LAMP3: variants seen among roughly 807,000 people sequenced by gnomAD.
LAMP3 encodes the protein lysosome associated membrane protein 3.
Under a neutral mutation model 34.8 loss-of-function variants are expected in LAMP3, and 26 were observed. The ratio of observed to expected loss-of-function variants is 0.75; its 90% confidence interval spans 0.55 to 1.04. LAMP3 has a LOEUF of 1.04. LAMP3 is among the 50% of genes least tolerant of loss of function. The probability of loss-of-function intolerance (pLI) is 0.00; values close to 1 mark genes in which losing one functional copy is unlikely to be tolerated. For synonymous variants in LAMP3, 180 were observed against 201.9 expected, an observed-to-expected ratio of 0.89 and a Z score of 0.92; for missense variants, 495 against 524.0, an observed-to-expected ratio of 0.94 and a Z score of 0.54.
chr3:183,124,236 AT>A, intron 5 of LAMP3, 22 bp from the exon 6 acceptor site: 1 of 1,531,930 alleles, frequency 6.5e-7, no homozygotes, highest in Non-Finnish European at 8.7e-7. Flanking sequence ...AACAAATACA[AT>A]ACAGTGGGTA....
In LAMP3 at chr3:183,154,229, C is replaced by A. The variant is rs1236954145; in HGVS notation, c.212G>T (p.Gly71Val). Residue 71 changes from glycine (G) to valine (V), a missense_variant, in exon 2 of 6, where the codon GGT (glycine) becomes GTT (valine). Gly to Val is a moderately radical substitution (Grantham distance 109, BLOSUM62 -3). Transcript: ENST00000265598. ...GGCCGCTGTTTGAAAGGTGATATGA[C>A]CATCCATGAATCTTGCTGCTAAAGT... ...HQTLAARFMD[G>V]HITFQTAATV... The A allele has an allele frequency of 3.7e-6, 6 of 1,614,026 alleles. No homozygotes were observed. In the South Asian group the frequency reaches 6.6e-5, roughly 18 times the overall value.
chr3:183,125,673 G>T (rs1313115314), intron 5 of LAMP3, among the ~76,000 whole-genome samples: 2 of 152,164 alleles, frequency 1.3e-5, no homozygotes, highest in African/African-American at 4.8e-5. Flanking sequence ...TTGGGGCAGG[G>T]AGGCAGAGGG....
chr3:183,134,581 G>A (rs1720026619), intron 5 of LAMP3, among the ~76,000 whole-genome samples: 1 of 152,148 alleles, frequency 6.6e-6, no homozygotes, highest in Non-Finnish European at 1.5e-5. Flanking sequence ...ATTTTTGAGA[G>A]TGGATGACAA....
chr3:183,134,201 G>A (rs968721409), intron 5 of LAMP3, among the ~76,000 whole-genome samples: 6 of 152,132 alleles, frequency 3.9e-5, no homozygotes, highest in African/African-American at 7.2e-5. Context: ...GGAACATTTT[G>A]GAAGTGGAAT....
intron 5 of LAMP3, 54 bp from the exon 6 acceptor site, chr3:183,124,268 G>C: frequency 6.9e-7 from 1 of 1,453,650 alleles, no homozygotes; most frequent in Non-Finnish European, 9.1e-7. Flanking sequence ...ATGCAGTCCA[G>C]AAAGCAGGCT....
At chr3:183,157,363 T>C (rs1720851168) in intron 1 of LAMP3, among the ~76,000 whole-genome samples, 1 of 152,204 alleles carries the variant, frequency 6.6e-6, no homozygotes, top group African/African-American at 2.4e-5. Context: ...TTTATGCCCA[T>C]GTCATGGAGC....
At chr3:183,131,977 G>A in intron 5 of LAMP3, 1 of 985,346 alleles carries the variant, frequency 1.0e-6, no homozygotes, top group Non-Finnish European at 1.2e-6. Flanking sequence ...TGATCCTCCA[G>A]GCAGGTCTAC....
intron 1 of LAMP3, 37 bp downstream of exon 1, chr3:183,162,570 G>T: frequency 8.4e-6 from 13 of 1,544,746 alleles, no homozygotes; most frequent in Non-Finnish European, 1.1e-5. Context: ...GGACCGACAC[G>T]TCAGGGCCAC....
rs376568068 is a variant in LAMP3, at chr3:183,153,982, G to A, written c.459C>T (p.Ser153=). The A allele has an allele frequency of 2.4e-5, 39 of 1,614,046 alleles. No homozygotes were observed. The highest frequency in any genetic ancestry group is 3.1e-5 in the Non-Finnish European group (36 of 1,180,040). ...HTTGTSSSTV[S]HTTGNTTQPS... ...GTTGAGTGGTGTTCCCAGTTGTGTGGCTGACGGTTGATGAACTGGTTCCAG... is the reference window on the plus strand; with the variant it reads ...GTTGAGTGGTGTTCCCAGTTGTGTGACTGACGGTTGATGAACTGGTTCCAG... Residue 153 remains serine (S), a synonymous_variant, in exon 2 of 6, where the codon AGC becomes AGT. Coordinates refer to ENST00000265598, the MANE Select transcript of LAMP3 (RefSeq NM_014398.4).
chr3:183,151,291 C>T lies in LAMP3; in HGVS notation c.888+1084G>A, dbSNP rs1451463949. ...TATTTGAAGGACACTCTGAGGCAAGCGGGGGCAAGTCTCTCCCAGGGGAGT... is the reference window on the plus strand; with the variant it reads ...TATTTGAAGGACACTCTGAGGCAAGTGGGGGCAAGTCTCTCCCAGGGGAGT... On this transcript the variant is annotated intron_variant, in intron 3 of 5. Transcript: ENST00000265598. 1.1e-4 allele frequency among the ~76,000 whole-genome samples: 17 copies of T among 152,310 alleles called. No individual in the cohort carries two copies. In the East Asian group the frequency reaches 1.2e-3, roughly 10 times the overall value.
chr3:183,147,295 A>C (rs1213835333), intron 3 of LAMP3, among the ~76,000 whole-genome samples: 1 of 152,104 alleles, frequency 6.6e-6, no homozygotes, highest in African/African-American at 2.4e-5. Flanking sequence ...GAAGTCACTG[A>C]GAATGGACAT....
At chr3:183,141,231 C>A (rs1302458144) in intron 3 of LAMP3, among the ~76,000 whole-genome samples, 1 of 152,134 alleles carries the variant, frequency 6.6e-6, no homozygotes, top group Non-Finnish European at 1.5e-5. Context: ...GGAAGACATG[C>A]CTTACCCTGA....
At chr3:183,131,910 C>T (rs539812885) in intron 5 of LAMP3, 14 of 984,914 alleles carry the variant, frequency 1.4e-5, no homozygotes, top group Middle Eastern at 5.2e-4. Context: ...AGATATCAAC[C>T]GTCCCCCATC....
intron 5 of LAMP3, among the ~76,000 whole-genome samples, chr3:183,127,721 GAAC>G (rs1206895414): frequency 6.6e-6 from 1 of 152,160 alleles, no homozygotes; most frequent in Non-Finnish European, 1.5e-5. Flanking sequence ...AGCCCTGTGT[GAAC>G]AACGTTTTGG....
At position 183,154,331 on chromosome 3, in the gene LAMP3, GAATAATC is replaced by G. The variant is rs1441098142; in HGVS notation, c.103_109del (p.Asp35LeufsTer12). ...TACTGTTGCTGCTGCAGTAGGTTGAGAATAATCTCTGGTTTCTGGAAATGCTTTTGCT... is the reference window on the plus strand; with the variant it reads ...TACTGTTGCTGCTGCAGTAGGTTGAGTCTGGTTTCTGGAAATGCTTTTGCT... On this transcript the variant is annotated frameshift_variant, in exon 2 of 6. Transcript: ENST00000265598. LOFTEE classifies it high-confidence loss of function. The G allele has an allele frequency of 8.1e-6, 13 of 1,612,062 alleles. No individual in the cohort carries two copies. The Admixed American group carries it at 2.2e-4, about 27-fold the overall frequency.
In LAMP3 at chr3:183,158,328, A is replaced by G. The variant is rs112783188; in HGVS notation, c.50-3937T>C. Among the ~76,000 whole-genome samples, 13 of 152,254 alleles carry G rather than the reference A, an allele frequency of 8.5e-5. No homozygotes were observed. The East Asian group carries it at 1.9e-3, about 23-fold the overall frequency. ...GTTTTTAAATGGGATGTTTGGCCCTATAGAGGTTTAGTCAAGGTCACAGGT... is the reference window on the plus strand; with the variant it reads ...GTTTTTAAATGGGATGTTTGGCCCTGTAGAGGTTTAGTCAAGGTCACAGGT... On this transcript the variant is annotated intron_variant, in intron 1 of 5. Coordinates refer to ENST00000265598, the MANE Select transcript of LAMP3 (RefSeq NM_014398.4).
chr3:183,146,210 A>T (rs953232884), intron 3 of LAMP3, among the ~76,000 whole-genome samples: 1 of 152,184 alleles, frequency 6.6e-6, no homozygotes, highest in Non-Finnish European at 1.5e-5. Flanking sequence ...GTTGCTCCTG[A>T]CATCTTGGAG....
chr3:183,153,699 C>T lies in LAMP3; in HGVS notation c.742G>A (p.Val248Ile), dbSNP rs1720728468. The T allele has an allele frequency of 6.6e-7, 1 of 1,517,314 alleles. No individual in the cohort carries two copies. Among genetic ancestry groups the T allele is most frequent in the African/African-American group, 1.4e-5 (1 of 71,774 alleles). The allele number at this position is 1,517,314 out of a possible 1,614,324, so 94.0% of individuals were successfully genotyped here. ...IKAEMGIQLI[V>I]QDKESVFSPR... is the part of the protein sequence containing the mutation. ...CAACTTACCGACTCCTTGTCTTGAA[C>T]AATCAGCTGTATCCCCATCTCTGCT... is the stretch of plus-strand genomic sequence containing the variant. Residue 248 changes from valine to isoleucine, a missense_variant, in exon 2 of 6, where the codon GTT becomes ATT. Val to Ile is a conservative substitution (Grantham distance 29). Coordinates refer to ENST00000265598, the MANE Select transcript of LAMP3 (RefSeq NM_014398.4).
chr3:183,140,595 C>T lies in LAMP3; in HGVS notation c.889G>A (p.Asp297Asn), dbSNP rs1192645374. 6.3e-7 allele frequency: 1 copy of T among 1,589,790 alleles called. No individual in the cohort carries two copies. The highest frequency in any genetic ancestry group is 1.7e-5 in the Admixed American group (1 of 59,938). The change falls in exon 4 of 6, where the codon GAT (aspartate) becomes AAT (asparagine). Residue 297 changes from aspartate to asparagine, a missense_variant and splice_region_variant. Transcript: ENST00000265598. Reference sequence around the variant, plus strand: ...TCACTGATATAATATGATTCTTCATCCTGTAAAACAGTAGGGTGTTAACCT... The same window carrying T: ...TCACTGATATAATATGATTCTTCATTCTGTAAAACAGTAGGGTGTTAACCT... ...GGFVNLTFTK[D>N]EESYYISEVG...
Sources: gnomAD v4.1 joint callset for allele counts (sites outside exome capture counted in the v4.1 genomes callset) on GRCh38, gnomAD v4.1.1 for gene constraint, MANE v1.5 for transcripts, NCBI Gene and HGNC (gene_info 2026-07-23, HGNC 2026-07-21) for gene names.